FBXW11: variants seen among roughly 807,000 people sequenced by gnomAD.
The protein encoded by FBXW11 is F-box/WD repeat-containing protein 11.
In FBXW11, 19 loss-of-function variants were observed where a neutral mutation model predicts 77.6. The ratio of observed to expected loss-of-function variants is 0.24; its 90% CI spans 0.17 to 0.36. The LOEUF is 0.36. Among genes scored for constraint, FBXW11 ranks in the 10% least tolerant of loss-of-function variants. The probability of loss-of-function intolerance (pLI) is 1.00; values close to 1 mark genes in which losing one functional copy is unlikely to be tolerated. For missense variants in FBXW11, 334 were observed against 704.2 expected (o/e 0.47, Z 5.95); for synonymous variants, 235 against 249.4 (o/e 0.94, Z 0.54).
intron 7 of FBXW11, among the ~76,000 whole-genome samples, chr5:171,878,493 C>T (rs965517515): frequency 7.3e-5 from 11 of 151,664 alleles, no homozygotes; most frequent in Admixed American, 2.0e-4. Context: ...ACAGAAGGAT[C>T]GCTTGAGCCC....
At chr5:171,913,368 C>A (rs1185078473) in intron 3 of FBXW11, among the ~76,000 whole-genome samples, 3 of 152,052 alleles carry the variant, frequency 2.0e-5, no homozygotes, top group Non-Finnish European at 4.4e-5. Context: ...AAACTGAAAG[C>A]TAAAGTGTGA....
At chr5:171,972,154 C>G (rs1764567193) in intron 1 of FBXW11, among the ~76,000 whole-genome samples, 1 of 150,070 alleles carries the variant, frequency 6.7e-6, no homozygotes, top group African/African-American at 2.5e-5. Context: ...ATCACATGAG[C>G]CTGGGAAGTC....
intron 2 of FBXW11, among the ~76,000 whole-genome samples, chr5:171,926,100 T>C (rs1057018569): frequency 6.6e-6 from 1 of 152,236 alleles, no homozygotes; most frequent in Non-Finnish European, 1.5e-5. Flanking sequence ...CTACCTAAAT[T>C]TTCCTTAAAG....
At chr5:171,872,667 G>A (rs1757826225) in intron 10 of FBXW11, among the ~76,000 whole-genome samples, 2 of 152,168 alleles carry the variant, frequency 1.3e-5, no homozygotes, top group African/African-American at 2.4e-5. Context: ...TTGTGTACTG[G>A]GGGAATCTTG....
intron 1 of FBXW11, chr5:172,003,257 T>C (rs1350504902): frequency 6.6e-6 from 1 of 152,168 alleles, no homozygotes; most frequent in African/African-American, 2.4e-5. Flanking sequence ...GGTAATCTAA[T>C]CATCTTTCTC....
At chr5:171,990,229 GAGAGTATATAAA>G (rs2113550095) in intron 1 of FBXW11, among the ~76,000 whole-genome samples, 1 of 152,260 alleles carries the variant, frequency 6.6e-6, no homozygotes, top group African/African-American at 2.4e-5. Context: ...TCTAGGTCAA[GAGAGTATATAAA>G]TGTTATACTT....
At position 171,998,471 on chromosome 5, in the gene FBXW11, A is replaced by T. The variant is rs115972186; in HGVS notation, c.45+7987T>A. On this transcript the variant is annotated intron_variant, in intron 1 of 13. Transcript: ENST00000517395. ...ATTACAGGTGTGAGCCCCCATGCCC[A>T]GCCTAAAGCCCACAATATTAATGCT... Among the ~76,000 whole-genome samples, 1,145 of 150,306 alleles carry T rather than the reference A, an allele frequency of 7.6e-3. 19 individuals are homozygous for T. The highest frequency in any genetic ancestry group is 0.026 in the African/African-American group (1,079 of 40,982).
chr5:171,990,815 T>C (rs887001726), intron 1 of FBXW11, among the ~76,000 whole-genome samples: 4 of 152,142 alleles, frequency 2.6e-5, no homozygotes, highest in Non-Finnish European at 5.9e-5. Flanking sequence ...GAGAAACTTT[T>C]TTTTTTCGCT....
At chr5:171,922,216 C>G (rs1293288192) in intron 2 of FBXW11, among the ~76,000 whole-genome samples, 1 of 152,052 alleles carries the variant, frequency 6.6e-6, no homozygotes, top group Non-Finnish European at 1.5e-5. Context: ...AAGAAAATTC[C>G]AAATATAGTT....
At chr5:171,997,144 G>C (rs1766100350) in intron 1 of FBXW11, 2 of 1,100,804 alleles carry the variant, frequency 1.8e-6, no homozygotes, top group African/African-American at 1.6e-5. Context: ...CAATGGAATG[G>C]TGGATCTGAG....
intron 7 of FBXW11, among the ~76,000 whole-genome samples, chr5:171,885,040 C>A (rs1020063998): frequency 6.6e-6 from 1 of 152,174 alleles, no homozygotes; most frequent in Non-Finnish European, 1.5e-5. Context: ...CTTCTCAGTT[C>A]TTCCTCACCC....
chr5:171,877,974 G>T, intron 8 of FBXW11, 37 bp downstream of exon 8: 2 of 1,473,282 alleles, frequency 1.4e-6, no homozygotes, highest in Non-Finnish European at 1.9e-6. Context: ...CTCAGGGAAG[G>T]CTTACAAGTT....
rs558439597 is a variant in FBXW11, at chr5:171,991,880, C to T, written c.45+14578G>A. Among the ~76,000 whole-genome samples the T allele has an allele frequency of 4.1e-4, 63 of 152,066 alleles. 3 individuals carry two copies. The South Asian group carries it at 0.011, about 26-fold the overall frequency. The stretch of plus-strand genomic sequence containing the variant: ...CTGTAATCCCAGCACTTTGGGAGGC[C>T]GAGGTGGGAGGATCACTTGAGGTCA... On this transcript the variant is annotated intron_variant, in intron 1 of 13. Coordinates refer to ENST00000517395, the MANE Select transcript of FBXW11 (RefSeq NM_001378974.1).
intron 6 of FBXW11, among the ~76,000 whole-genome samples, chr5:171,892,315 G>A (rs1759405690): frequency 6.6e-6 from 1 of 152,176 alleles, no homozygotes. Context: ...TTGGTTAAAT[G>A]ATCCATACAA....
intron 2 of FBXW11, among the ~76,000 whole-genome samples, chr5:171,921,807 T>C (rs1761612450): frequency 6.6e-6 from 1 of 152,194 alleles, no homozygotes. Flanking sequence ...GGCATGATCA[T>C]AGCTCACTAC....
At chr5:171,899,456 C>T (rs1041450743) in intron 5 of FBXW11, among the ~76,000 whole-genome samples, 40 of 152,348 alleles carry the variant, frequency 2.6e-4, no homozygotes, top group African/African-American at 8.9e-4. Flanking sequence ...GTAGCTCTCT[C>T]TCTTTGCTAA....
At chr5:172,001,184 G>A (rs1766390649) in intron 1 of FBXW11, among the ~76,000 whole-genome samples, 1 of 152,158 alleles carries the variant, frequency 6.6e-6, no homozygotes, top group Non-Finnish European at 1.5e-5. Context: ...CTGCATGAAA[G>A]AAAGAAAATC....
intron 1 of FBXW11, among the ~76,000 whole-genome samples, chr5:171,998,669 T>C (rs1028912400): frequency 6.6e-6 from 1 of 151,378 alleles, no homozygotes; most frequent in African/African-American, 2.4e-5. Flanking sequence ...TGGTGGCACA[T>C]GCCTACAATC....
intron 1 of FBXW11, among the ~76,000 whole-genome samples, chr5:171,978,452 A>G (rs1764962526): frequency 6.6e-6 from 1 of 152,228 alleles, no homozygotes; most frequent in South Asian, 2.1e-4. Flanking sequence ...TAAGAAATAA[A>G]AGCCCACCTG....
Sources: allele counts gnomAD v4.1 joint callset (sites outside exome capture counted in the v4.1 genomes callset), GRCh38; gene constraint gnomAD v4.1.1; transcripts MANE v1.5; gene names NCBI Gene and HGNC (gene_info 2026-07-23, HGNC 2026-07-21).